FBXO34: variants seen among roughly 807,000 people sequenced by gnomAD.
FBXO34 encodes F-box protein 34.
In FBXO34, 12 loss-of-function variants were observed where a neutral mutation model predicts 24.5. The observed-to-expected ratio is 0.49, with a 90% CI of 0.31 to 0.79. The LOEUF (loss-of-function observed/expected upper bound fraction) is 0.79. Among genes scored for constraint, FBXO34 ranks in the 30% least tolerant of loss-of-function variants. The pLI is 0.04. For synonymous variants in FBXO34, 320 were observed against 311.9 expected, an observed-to-expected ratio of 1.03 and a Z score of -0.27; for missense variants, 823 against 857.7, an observed-to-expected ratio of 0.96 and a Z score of 0.51.
At chr14:55,374,731 C>T (rs1884887020), downstream of FBXO34, among the ~76,000 whole-genome samples, 1 of 151,946 alleles carries the variant, frequency 6.6e-6, no homozygotes, top group Admixed American at 6.6e-5. Flanking sequence ...TCAACTTTTC[C>T]CCCATATGAA....
At chr14:55,423,512 G>C in the FBXO34 span, among the ~76,000 whole-genome samples, 1 of 152,230 alleles carries the variant, frequency 6.6e-6, no homozygotes, top group African/African-American at 2.4e-5. Context: ...CAATACGTTT[G>C]ATTCAATAAC....
intron 1 of FBXO34, among the ~76,000 whole-genome samples, chr14:55,337,998 G>GCCT (rs1883842907): frequency 6.7e-6 from 1 of 149,248 alleles, no homozygotes; most frequent in African/African-American, 2.5e-5. Flanking sequence ...TTCTTAACTT[G>GCCT]CCTCTGATTC....
intron 1 of FBXO34, among the ~76,000 whole-genome samples, chr14:55,311,454 T>C (rs1329274378): frequency 1.3e-5 from 2 of 152,210 alleles, no homozygotes; most frequent in East Asian, 1.9e-4. Flanking sequence ...AAGCCAATCA[T>C]GCCTTCCCAG....
At chr14:55,420,112 C>T in the FBXO34 span, among the ~76,000 whole-genome samples, 43,744 of 152,080 alleles carry the variant, frequency 0.29, 8,324 homozygotes, top group African/African-American at 0.55. Context: ...GCTCTGTTAC[C>T]CAGGCTAGAG....
chr14:55,410,568 C>T, the FBXO34 span, among the ~76,000 whole-genome samples: 541 of 152,324 alleles, frequency 3.6e-3, 7 homozygotes, highest in African/African-American at 0.012. Flanking sequence ...ACTCCATCCA[C>T]GATCACAGAA....
At chr14:55,421,589 A>G in the FBXO34 span, among the ~76,000 whole-genome samples, 2 of 152,018 alleles carry the variant, frequency 1.3e-5, no homozygotes, top group Admixed American at 1.3e-4. Context: ...TCAGCCTCCC[A>G]AGTAGCTGGG....
chr14:55,378,470 C>T, the FBXO34 span, among the ~76,000 whole-genome samples: 2 of 152,196 alleles, frequency 1.3e-5, no homozygotes, highest in Admixed American at 1.3e-4. Context: ...AGGCTTATAA[C>T]GGCCCTATGA....
At position 55,351,703 on chromosome 14, in the gene FBXO34, A is replaced by C. The variant is rs1243097742; in HGVS notation, c.1313A>C (p.Glu438Ala). ...PTDAVDCMSR[E>A]LVSLTSRNPD... ...GATGCTGTTGATTGTATGAGCAGAG[A>C]GCTTGTGTCCCTTACTAGCCGAAAT... The change falls in exon 2 of 2, where the codon GAG (glutamate) becomes GCG (alanine). Residue 438 changes from glutamate to alanine, a missense_variant. Physicochemically the swap from Glu to Ala is moderately radical, Grantham distance 107. This residue lies in a region of FBXO34 where 693 missense variants were observed against 659.1 expected (regional missense o/e 1.05). Transcript: ENST00000313833. The C allele has an allele frequency of 6.2e-7, 1 of 1,614,184 alleles. No individual in the cohort carries two copies.
the FBXO34 span, among the ~76,000 whole-genome samples, chr14:55,440,049 G>A: frequency 7.2e-5 from 11 of 151,878 alleles, no homozygotes; most frequent in African/African-American, 2.7e-4. Context: ...GCAGTGAGCT[G>A]AGATCGCGCC....
At chr14:55,322,801 A>T (rs950585464) in intron 1 of FBXO34, among the ~76,000 whole-genome samples, 4 of 152,052 alleles carry the variant, frequency 2.6e-5, no homozygotes, top group African/African-American at 9.7e-5. Flanking sequence ...CCCAACTAAG[A>T]TTATAAAGCA....
intron 1 of FBXO34, among the ~76,000 whole-genome samples, chr14:55,291,819 C>T (rs1029805400): frequency 6.6e-6 from 1 of 152,000 alleles, no homozygotes. Context: ...AAAAAAATAG[C>T]TGGGCATAGT....
At chr14:55,358,361 G>A (rs377588738), downstream of FBXO34, among the ~76,000 whole-genome samples, 3 of 152,184 alleles carry the variant, frequency 2.0e-5, no homozygotes, top group East Asian at 3.8e-4. Flanking sequence ...TTATAAGGGT[G>A]TAGATATAGG....
At chr14:55,298,875 G>C in intron 1 of FBXO34, 1 of 1,607,366 alleles carries the variant, frequency 6.2e-7, no homozygotes, top group East Asian at 2.2e-5. Flanking sequence ...ATCAACCATC[G>C]AGTTCCAGCA....
chr14:55,324,111 C>T (rs978754866), intron 1 of FBXO34, among the ~76,000 whole-genome samples: 1 of 150,320 alleles, frequency 6.7e-6, no homozygotes, highest in African/African-American at 2.4e-5. Flanking sequence ...CCAGTGGTTG[C>T]CCTAGGCAAC....
At chr14:55,389,691 G>A in the FBXO34 span, among the ~76,000 whole-genome samples, 1 of 152,190 alleles carries the variant, frequency 6.6e-6, no homozygotes, top group Non-Finnish European at 1.5e-5. Context: ...TGAGTCTGAA[G>A]TAAATCTGAT....
intron 1 of FBXO34, among the ~76,000 whole-genome samples, chr14:55,297,911 T>C (rs1292739734): frequency 1.3e-5 from 2 of 152,256 alleles, no homozygotes; most frequent in South Asian, 2.1e-4. Flanking sequence ...CTTTGTTCCA[T>C]GCAAAACAAA....
intron 1 of FBXO34, among the ~76,000 whole-genome samples, chr14:55,316,759 G>A (rs1241543654): frequency 6.6e-6 from 1 of 150,630 alleles, no homozygotes; most frequent in Non-Finnish European, 1.5e-5. Flanking sequence ...ATTTCAAGAC[G>A]GCAACAGCAG....
exon 3 of FBXO34, chr14:55,367,188 C>T (rs1191780411): frequency 6.6e-6 from 1 of 152,222 alleles, no homozygotes; most frequent in Non-Finnish European, 1.5e-5. Context: ...CTTAAGAAAA[C>T]CATGACTGTT....
chr14:55,344,961 T>C (rs1049739227), intron 1 of FBXO34, among the ~76,000 whole-genome samples: 2 of 152,166 alleles, frequency 1.3e-5, no homozygotes, highest in Non-Finnish European at 2.9e-5. Context: ...TACTCATATT[T>C]ATACCAGTGT....
Sources: gnomAD v4.1 joint callset for allele counts (sites outside exome capture counted in the v4.1 genomes callset) on GRCh38, gnomAD v4.1.1 for gene constraint, gnomAD v4.1.1 regional missense constraint, MANE v1.5 for transcripts, NCBI Gene and HGNC (gene_info 2026-07-23, HGNC 2026-07-21) for gene names.